CDH18: variants seen among roughly 807,000 people sequenced by gnomAD.
The protein encoded by CDH18 is cadherin 18, also known as cadherin-18.
Under a neutral mutation model 67.9 loss-of-function variants are expected in CDH18, and 31 were observed. The ratio of observed to expected loss-of-function variants is 0.46; its 90% CI spans 0.34 to 0.62. The LOEUF is 0.62. Ranked by LOEUF, CDH18 falls within the 20% of genes least tolerant of loss-of-function variation. CDH18 has a pLI of 0.01. For synonymous variants in CDH18, 362 were observed against 347.2 expected, an observed-to-expected ratio of 1.04 and a Z score of -0.48; for missense variants, 890 against 975.5, an observed-to-expected ratio of 0.91 and a Z score of 1.17.
intron 2 of CDH18, among the ~76,000 whole-genome samples, chr5:19,962,395 A>AAAAAAAAAAAAAAAT (rs58319680): frequency 0.011 from 1,333 of 116,976 alleles, 1 homozygote; most frequent in Non-Finnish European, 0.016. Flanking sequence ...AAAAAAAAAA[A>AAAAAAAAAAAAAAAT]AGAAAATTCA....
At chr5:20,412,938 T>C in intron 1 of CDH18, among the ~76,000 whole-genome samples, 1 of 152,168 alleles carries the variant, frequency 6.6e-6, no homozygotes, top group East Asian at 1.9e-4. Flanking sequence ...CATTAGGTAT[T>C]TCTCCTAATG....
chr5:19,583,100 A>C (rs1265741392), intron 7 of CDH18, among the ~76,000 whole-genome samples: 1 of 152,070 alleles, frequency 6.6e-6, no homozygotes, highest in Non-Finnish European at 1.5e-5. Flanking sequence ...GGAAATCTTA[A>C]AAATACACAG....
chr5:19,843,999 T>C (rs1178216557), intron 2 of CDH18, among the ~76,000 whole-genome samples: 1 of 152,206 alleles, frequency 6.6e-6, no homozygotes, highest in East Asian at 1.9e-4. Context: ...AATGACTCTA[T>C]CCCCATTGTA....
chr5:20,334,564 A>T (rs1162641887), intron 1 of CDH18, among the ~76,000 whole-genome samples: 1 of 152,174 alleles, frequency 6.6e-6, no homozygotes, highest in Non-Finnish European at 1.5e-5. Flanking sequence ...AGAGGGAACG[A>T]CATGAGTCCC....
chr5:19,648,831 G>GT (rs370321094), intron 5 of CDH18, among the ~76,000 whole-genome samples: 3,434 of 146,540 alleles, frequency 0.023, 72 homozygotes, highest in Middle Eastern at 0.036. Flanking sequence ...ATATGGAGAG[G>GT]TTTTTTTTTT....
intron 10 of CDH18, among the ~76,000 whole-genome samples, chr5:19,516,498 A>G (rs927729155): frequency 1.3e-5 from 2 of 151,842 alleles, no homozygotes; most frequent in African/African-American, 4.9e-5. Context: ...TTTGGTTGGT[A>G]GGCTATTAAT....
intron 5 of CDH18, among the ~76,000 whole-genome samples, chr5:19,674,104 A>G (rs1323136983): frequency 6.6e-6 from 1 of 152,128 alleles, no homozygotes; most frequent in Non-Finnish European, 1.5e-5. Context: ...AGAAAAAACA[A>G]TGATAACCTC....
intron 1 of CDH18, among the ~76,000 whole-genome samples, chr5:20,407,365 G>T (rs73058745): frequency 1.6e-3 from 246 of 152,212 alleles, no homozygotes; most frequent in African/African-American, 5.8e-3. Context: ...GTGGTTTAGG[G>T]TAGCACAAAG....
At chr5:20,386,817 T>C (rs886252140) in intron 1 of CDH18, among the ~76,000 whole-genome samples, 4 of 152,130 alleles carry the variant, frequency 2.6e-5, no homozygotes, top group African/African-American at 4.8e-5. Context: ...ATTTTACCTA[T>C]AGAAAACACA....
intron 9 of CDH18, among the ~76,000 whole-genome samples, chr5:19,532,473 G>A (rs986738432): frequency 1.3e-5 from 2 of 151,978 alleles, no homozygotes; most frequent in Admixed American, 1.3e-4. Flanking sequence ...TTTAACTTTC[G>A]ACAAGATATT....
At chr5:19,902,110 C>T (rs543160182) in intron 2 of CDH18, among the ~76,000 whole-genome samples, 4 of 151,996 alleles carry the variant, frequency 2.6e-5, no homozygotes, top group Admixed American at 1.3e-4. Flanking sequence ...TTAACATATT[C>T]GTAATACTCA....
At chr5:20,522,150 A>G (rs1755781220) in intron 1 of CDH18, among the ~76,000 whole-genome samples, 1 of 152,200 alleles carries the variant, frequency 6.6e-6, no homozygotes, top group African/African-American at 2.4e-5. Context: ...GTGAGTCCAC[A>G]GCGGGAAGTT....
intron 1 of CDH18, among the ~76,000 whole-genome samples, chr5:20,538,923 T>TTTTTTTC: frequency 6.8e-6 from 1 of 148,144 alleles, no homozygotes. Flanking sequence ...TTTTTTTTTT[T>TTTTTTTC]TGTCGCCCAG....
At chr5:20,453,879 G>A (rs1750652483) in intron 1 of CDH18, among the ~76,000 whole-genome samples, 1 of 152,170 alleles carries the variant, frequency 6.6e-6, no homozygotes, top group South Asian at 2.1e-4. Context: ...GAAAATATTT[G>A]TAAAATGCTT....
At chr5:19,543,834 T>C (rs779379566) in intron 9 of CDH18, 35 bp downstream of exon 9, 1 of 1,480,000 alleles carries the variant, frequency 6.8e-7, no homozygotes, top group Non-Finnish European at 9.1e-7. Context: ...CTTGTACAAG[T>C]GACATCTTTT....
At chr5:19,851,712 T>G (rs1413633246) in intron 2 of CDH18, among the ~76,000 whole-genome samples, 1 of 151,850 alleles carries the variant, frequency 6.6e-6, no homozygotes, top group East Asian at 1.9e-4. Context: ...AATAATTTAA[T>G]ATTCAATATC....
At chr5:19,828,478 C>A (rs1780659050) in intron 3 of CDH18, among the ~76,000 whole-genome samples, 1 of 151,806 alleles carries the variant, frequency 6.6e-6, no homozygotes, top group Admixed American at 6.6e-5. Context: ...TACTCAGAAA[C>A]TTTTTACATT....
intron 1 of CDH18, among the ~76,000 whole-genome samples, chr5:20,376,610 C>T (rs1743468786): frequency 6.6e-6 from 1 of 150,668 alleles, no homozygotes; most frequent in African/African-American, 2.4e-5. Flanking sequence ...AGACGCTTAA[C>T]TCTTTGATGT....
intron 3 of CDH18, among the ~76,000 whole-genome samples, chr5:19,791,764 G>A (rs753933112): frequency 6.6e-5 from 10 of 152,094 alleles, no homozygotes; most frequent in Non-Finnish European, 1.2e-4. Context: ...TTCAAACTCC[G>A]AATGTGAATC....
Sources: allele counts gnomAD v4.1 joint callset (sites outside exome capture counted in the v4.1 genomes callset), GRCh38; gene constraint gnomAD v4.1.1; transcripts MANE v1.5; gene names NCBI Gene and HGNC (gene_info 2026-07-23, HGNC 2026-07-21).